The following PRKCQ variants were observed in gnomAD, a reference collection of about 807,000 sequenced individuals.
PRKCQ encodes the protein protein kinase C theta.
Under a neutral mutation model 91.2 loss-of-function variants are expected in PRKCQ, and 41 were observed. The observed-to-expected ratio is 0.45, with a 90% CI of 0.35 to 0.58. The LOEUF (loss-of-function observed/expected upper bound fraction) is 0.58, where lower values mean the gene tolerates loss of function less well. PRKCQ is among the 20% of genes least tolerant of loss of function. PRKCQ has a pLI of 0.00. For missense variants in PRKCQ, 673 were observed against 896.5 expected, an observed-to-expected ratio of 0.75 and a Z score of 3.18; for synonymous variants, 307 against 316.9, an observed-to-expected ratio of 0.97 and a Z score of 0.33.
At chr10:6,405,412 ACT>A in the PRKCQ span, among the ~76,000 whole-genome samples, 235 of 151,322 alleles carry the variant, frequency 1.6e-3, 1 homozygote, top group African/African-American at 5.3e-3. Context: ...ACTTTCGTGA[ACT>A]CTCTCCTTTT....
At chr10:6,478,176 T>C (rs757196979) in intron 12 of PRKCQ, among the ~76,000 whole-genome samples, 18 of 152,168 alleles carry the variant, frequency 1.2e-4, no homozygotes, top group African/African-American at 2.2e-4. Flanking sequence ...ATGTTCAAAA[T>C]AGAGTGTAAC....
At chr10:6,480,705 G>A (rs772558089) in intron 11 of PRKCQ, among the ~76,000 whole-genome samples, 3 of 152,196 alleles carry the variant, frequency 2.0e-5, no homozygotes, top group Non-Finnish European at 2.9e-5. Context: ...AATCACAGTT[G>A]CTAAAATTCA....
chr10:6,400,259 G>C, the PRKCQ span, among the ~76,000 whole-genome samples: 1 of 152,136 alleles, frequency 6.6e-6, no homozygotes. Context: ...TAATTTACTT[G>C]TTTGCTATGT....
chr10:6,513,563 C>T lies in PRKCQ; in HGVS notation c.118+1455G>A, dbSNP rs376319507. Reference sequence around the variant, plus strand: ...CAAAGGCGGCTTTGAAAAACTCAGACGTTTTACACTTCAAAGATGTCTGTG... The same window carrying T: ...CAAAGGCGGCTTTGAAAAACTCAGATGTTTTACACTTCAAAGATGTCTGTG... On this transcript the variant is annotated intron_variant, in intron 2 of 17. Transcript: ENST00000263125. 1.6e-3 allele frequency among the ~76,000 whole-genome samples: 236 copies of T among 151,756 alleles called. 1 individual carries two copies. The highest frequency in any genetic ancestry group is 5.4e-3 in the African/African-American group (223 of 41,374).
rs1231275559 is a variant in PRKCQ at position 6,496,753 on chromosome 10, C to A, written c.660+282G>T. ...GCGGTGGCATGGTCCTGGTTCACTG[C>A]AACCTCCGCCTCCCGAATTCAAGAG... On this transcript the variant is annotated intron_variant, in intron 7 of 17. Transcript: ENST00000263125. Among the ~76,000 whole-genome samples, 3 of 151,914 alleles carry A rather than the reference C, an allele frequency of 2.0e-5. No individual in the cohort carries two copies. In the East Asian group the frequency reaches 5.8e-4, roughly 29 times the overall value.
chr10:6,540,374 C>T (rs996617319), intron 1 of PRKCQ, among the ~76,000 whole-genome samples: 11 of 152,164 alleles, frequency 7.2e-5, no homozygotes, highest in Non-Finnish European at 2.9e-5. Flanking sequence ...TGTCCCCATT[C>T]AACACTAACG....
intron 1 of PRKCQ, among the ~76,000 whole-genome samples, chr10:6,564,666 C>T (rs552704647): frequency 2.0e-5 from 3 of 152,198 alleles, no homozygotes; most frequent in Non-Finnish European, 2.9e-5. Context: ...AGACCAAAAC[C>T]GCCAAGCCAA....
At chr10:6,567,752 T>G (rs1169025723) in intron 1 of PRKCQ, among the ~76,000 whole-genome samples, 2 of 152,226 alleles carry the variant, frequency 1.3e-5, no homozygotes, top group Non-Finnish European at 2.9e-5. Flanking sequence ...TTTCTTTGGT[T>G]TCATAATGTT....
chr10:6,481,407 A>G (rs1479725689), intron 11 of PRKCQ, among the ~76,000 whole-genome samples: 1 of 152,246 alleles, frequency 6.6e-6, no homozygotes, highest in Non-Finnish European at 1.5e-5. Context: ...TGTGCTTTCA[A>G]TTTTTGGTAA....
At chr10:6,555,796 G>C (rs1049241231) in intron 1 of PRKCQ, among the ~76,000 whole-genome samples, 1 of 152,150 alleles carries the variant, frequency 6.6e-6, no homozygotes, top group Non-Finnish European at 1.5e-5. Context: ...GATCACTTGA[G>C]ATCAGGAGTT....
chr10:6,488,911 C>T (rs762643764), intron 8 of PRKCQ, among the ~76,000 whole-genome samples: 8 of 152,062 alleles, frequency 5.3e-5, no homozygotes, highest in Non-Finnish European at 1.0e-4. Flanking sequence ...TCTTGTGTAG[C>T]TGAGACCACA....
the PRKCQ span, among the ~76,000 whole-genome samples, chr10:6,405,197 G>A: frequency 1.3e-5 from 2 of 152,256 alleles, no homozygotes; most frequent in African/African-American, 4.8e-5. Context: ...TGGCCAGGCT[G>A]GTCTCAAACT....
chr10:6,538,498 G>A (rs1427465665), intron 1 of PRKCQ, among the ~76,000 whole-genome samples: 1 of 152,252 alleles, frequency 6.6e-6, no homozygotes, highest in Non-Finnish European at 1.5e-5. Context: ...GGCTCAGTTT[G>A]AAGGACATGG....
chr10:6,514,883 G>T, intron 2 of PRKCQ, 135 bp downstream of exon 2: 2 of 1,429,560 alleles, frequency 1.4e-6, no homozygotes, highest in East Asian at 4.6e-5. Flanking sequence ...TGGCTTTGCT[G>T]GGCATCAGCG....
chr10:6,568,747 C>T (rs926449940), intron 1 of PRKCQ, among the ~76,000 whole-genome samples: 4 of 152,224 alleles, frequency 2.6e-5, no homozygotes, highest in Non-Finnish European at 4.4e-5. Flanking sequence ...ATCCGCCCAC[C>T]TCGGCCTCCC....
At chr10:6,571,675 G>A (rs866632345) in intron 1 of PRKCQ, among the ~76,000 whole-genome samples, 10 of 152,060 alleles carry the variant, frequency 6.6e-5, no homozygotes, top group African/African-American at 2.2e-4. Flanking sequence ...GTGTGGTGGT[G>A]CATGCCTGTA....
At chr10:6,575,243 T>C (rs1841186483) in intron 1 of PRKCQ, among the ~76,000 whole-genome samples, 1 of 152,232 alleles carries the variant, frequency 6.6e-6, no homozygotes, top group East Asian at 1.9e-4. Context: ...GCACGGTGTG[T>C]GATCTGAGGC....
chr10:6,580,084 T>G (rs2130995739), intron 1 of PRKCQ, 127 bp downstream of exon 1: 1 of 152,358 alleles, frequency 6.6e-6, no homozygotes, highest in Admixed American at 6.5e-5. Context: ...CTACTCCGCC[T>G]GCTCACCCGG....
At chr10:6,419,168 ACTAT>A in the PRKCQ span, among the ~76,000 whole-genome samples, 1 of 151,376 alleles carries the variant, frequency 6.6e-6, no homozygotes, top group Non-Finnish European at 1.5e-5. Flanking sequence ...TTATCCATTA[ACTAT>A]CTACTTCTGT....
Sources: gnomAD v4.1 joint callset for allele counts (sites outside exome capture counted in the v4.1 genomes callset) on GRCh38, gnomAD v4.1.1 for gene constraint, MANE v1.5 for transcripts, NCBI Gene and HGNC (gene_info 2026-07-23, HGNC 2026-07-21) for gene names.